FBXL20: variants seen among roughly 807,000 people sequenced by gnomAD.
The protein encoded by FBXL20 is F-box and leucine rich repeat protein 20.
In FBXL20, 11 loss-of-function variants were observed where a neutral mutation model predicts 64.0. The observed-to-expected ratio is 0.17, with a 90% CI of 0.11 to 0.28. The LOEUF (loss-of-function observed/expected upper bound fraction) is 0.28. FBXL20 is among the 10% of genes least tolerant of loss of function. The probability of loss-of-function intolerance (pLI) is 1.00; values close to 1 mark genes in which losing one functional copy is unlikely to be tolerated. For synonymous variants in FBXL20, 184 were observed against 189.0 expected (o/e 0.97, Z 0.22); for missense variants, 303 against 526.2 (o/e 0.58, Z 4.15).
At chr17:39,381,453 CTGGG>C (rs1477231439) in intron 1 of FBXL20, among the ~76,000 whole-genome samples, 5 of 140,586 alleles carry the variant, frequency 3.6e-5, no homozygotes, top group Admixed American at 1.6e-4. Context: ...GCACTCCAGC[CTGGG>C]TAATACAGTG....
At chr17:39,399,849 A>G (rs2048224255) in intron 1 of FBXL20, among the ~76,000 whole-genome samples, 1 of 152,218 alleles carries the variant, frequency 6.6e-6, no homozygotes, top group Non-Finnish European at 1.5e-5. Flanking sequence ...TCCAAAAATT[A>G]TTCAATCTAA....
intron 6 of FBXL20, among the ~76,000 whole-genome samples, chr17:39,287,114 T>A (rs553559364): frequency 2.6e-5 from 4 of 151,902 alleles, no homozygotes; most frequent in Non-Finnish European, 5.9e-5. Context: ...GTTTTCACCA[T>A]GTTGGCCAGG....
intron 12 of FBXL20, among the ~76,000 whole-genome samples, chr17:39,267,409 T>C (rs1002260086): frequency 3.9e-5 from 6 of 152,306 alleles, no homozygotes; most frequent in Admixed American, 3.9e-4. Flanking sequence ...CTTAGAATCA[T>C]CAGAGAAAGG....
intron 6 of FBXL20, among the ~76,000 whole-genome samples, chr17:39,292,336 T>G (rs1020176844): frequency 6.6e-6 from 1 of 150,752 alleles, no homozygotes; most frequent in East Asian, 1.9e-4. Flanking sequence ...TTCATTTTTT[T>G]AAATTTTTGC....
At chr17:39,317,683 TTTTTTGTTTTTTTTTTTG>T (rs1233150359) in intron 2 of FBXL20, among the ~76,000 whole-genome samples, 3 of 64,828 alleles carry the variant, frequency 4.6e-5, no homozygotes, top group African/African-American at 4.2e-4. Flanking sequence ...CTTTGTTTTT[TTTTTTGTTTTTTTTTTTG>T]TTTTTTTTTT....
chr17:39,338,349 A>G (rs892469195), intron 2 of FBXL20, among the ~76,000 whole-genome samples: 4 of 152,170 alleles, frequency 2.6e-5, no homozygotes, highest in Admixed American at 6.5e-5. Flanking sequence ...CATGCTCATT[A>G]AGAGTCATCA....
intron 1 of FBXL20, among the ~76,000 whole-genome samples, chr17:39,370,661 A>T (rs796724123): frequency 3.2e-4 from 48 of 148,352 alleles, no homozygotes; most frequent in African/African-American, 1.1e-3. Context: ...CGGGCGTGGT[A>T]GCGGGCGCCT....
chr17:39,351,996 A>T (rs1320046592), intron 1 of FBXL20, among the ~76,000 whole-genome samples: 1 of 152,232 alleles, frequency 6.6e-6, no homozygotes, highest in African/African-American at 2.4e-5. Flanking sequence ...ATGTAGAATT[A>T]TATCATCTAA....
At chr17:39,294,725 C>T (rs887800976) in intron 6 of FBXL20, among the ~76,000 whole-genome samples, 5 of 152,206 alleles carry the variant, frequency 3.3e-5, no homozygotes, top group Admixed American at 3.3e-4. Context: ...AGTTAATGCA[C>T]TTATGGCCAG....
chr17:39,267,276 C>CA lies in FBXL20; in HGVS notation c.933+1550dup, dbSNP rs200173480. On this transcript the variant is annotated intron_variant, in intron 12 of 14. Coordinates refer to ENST00000264658, the MANE Select transcript of FBXL20 (RefSeq NM_032875.3). ...CCCCACCCCACACCACAAAACAAAA[C>CA]AAAAAAAAACAGTCTGAGCGGTAAC... 3.4e-3 allele frequency among the ~76,000 whole-genome samples: 500 copies of CA among 147,878 alleles called. 4 individuals carry two copies. The highest frequency in any genetic ancestry group is 9.3e-3 in the African/African-American group (374 of 40,256).
intron 1 of FBXL20, among the ~76,000 whole-genome samples, chr17:39,351,895 T>A (rs1409793694): frequency 6.6e-6 from 1 of 152,240 alleles, no homozygotes; most frequent in African/African-American, 2.4e-5. Flanking sequence ...TTGGTTTATA[T>A]ACAATAATAT....
At chr17:39,402,284 G>C (rs1260296861), upstream of FBXL20, 40 of 1,038,336 alleles carry the variant, frequency 3.9e-5, no homozygotes, top group Non-Finnish European at 7.3e-6. Context: ...CTCCGCGGTT[G>C]CCGCCGCCGC....
chr17:39,375,638 G>A (rs1354440126), intron 1 of FBXL20, among the ~76,000 whole-genome samples: 1 of 152,072 alleles, frequency 6.6e-6, no homozygotes, highest in Non-Finnish European at 1.5e-5. Context: ...ATACTTATAT[G>A]TACCCCACAA....
At chr17:39,274,076 T>C (rs562343432) in intron 10 of FBXL20, among the ~76,000 whole-genome samples, 33 of 152,116 alleles carry the variant, frequency 2.2e-4, no homozygotes, top group Admixed American at 1.9e-3. Flanking sequence ...GGTTTCGCCA[T>C]GTTGCCCATG....
intron 1 of FBXL20, among the ~76,000 whole-genome samples, chr17:39,367,547 C>A (rs978430916): frequency 4.6e-5 from 7 of 151,716 alleles, no homozygotes; most frequent in Non-Finnish European, 1.0e-4. Flanking sequence ...AAACTCCTGG[C>A]CTCAAGTGAT....
intron 2 of FBXL20, among the ~76,000 whole-genome samples, chr17:39,306,076 G>A (rs1156237121): frequency 1.3e-5 from 2 of 151,884 alleles, no homozygotes; most frequent in African/African-American, 2.4e-5. Flanking sequence ...GATGTAGGAG[G>A]ATCTATTGTG....
In FBXL20 at chr17:39,256,304, G is replaced by A. The variant is rs975810469; in HGVS notation, c.*5156C>T. ...CCATGGCACTCCAACCTGGGTGACA[G>A]AGCGAGACTCCATGTCAAAAAAAAA... On this transcript the variant is annotated 3_prime_UTR_variant, in exon 15 of 15. Transcript: ENST00000264658. The A allele has an allele frequency of 7.7e-6, 1 of 129,722 alleles. No individual in the cohort carries two copies. The highest frequency in any genetic ancestry group is 1.6e-5 in the Non-Finnish European group (1 of 64,262). 8.0% of individuals were successfully genotyped at this position (129,722 alleles called of 1,614,324 possible).
intron 1 of FBXL20, among the ~76,000 whole-genome samples, chr17:39,388,045 C>T (rs1318020620): frequency 6.6e-6 from 1 of 152,200 alleles, no homozygotes; most frequent in Non-Finnish European, 1.5e-5. Flanking sequence ...TTGACCACAA[C>T]TTCAGAACGC....
chr17:39,364,686 G>C (rs1450093047), intron 1 of FBXL20, among the ~76,000 whole-genome samples: 1 of 152,156 alleles, frequency 6.6e-6, no homozygotes, highest in African/African-American at 2.4e-5. Flanking sequence ...AGACAATAAA[G>C]CTTTACCCTC....
Sources: allele counts gnomAD v4.1 joint callset (sites outside exome capture counted in the v4.1 genomes callset), GRCh38; gene constraint gnomAD v4.1.1; transcripts MANE v1.5; gene names NCBI Gene and HGNC (gene_info 2026-07-23, HGNC 2026-07-21).